The following NBAS variants were observed in gnomAD, a reference collection of about 807,000 sequenced individuals.
NBAS encodes the protein NAG/BC035112 fusion.
In NBAS, 219 loss-of-function variants were observed where a neutral mutation model predicts 302.5. That is an observed-to-expected ratio of 0.72 (90% CI 0.65 to 0.81). The LOEUF (loss-of-function observed/expected upper bound fraction) is 0.81. Ranked by LOEUF, NBAS falls within the 30% of genes least tolerant of loss-of-function variation. The pLI is 0.00. For synonymous variants in NBAS, 1,118 were observed against 1,021.6 expected (o/e 1.09, Z -1.80); for missense variants, 2,932 against 2,841.6 (o/e 1.03, Z -0.72).
the NBAS span, among the ~76,000 whole-genome samples, chr2:14,796,157 A>G: frequency 6.6e-6 from 1 of 152,296 alleles, no homozygotes; most frequent in Admixed American, 6.5e-5. Flanking sequence ...GGAACTGACC[A>G]TATATGTGGT....
intron 44 of NBAS, among the ~76,000 whole-genome samples, chr2:15,272,968 T>C (rs1011446561): frequency 4.6e-5 from 7 of 152,302 alleles, no homozygotes; most frequent in African/African-American, 1.4e-4. Flanking sequence ...AAAACGCAAA[T>C]GGACTTTACA....
the NBAS span, among the ~76,000 whole-genome samples, chr2:14,903,628 C>A: frequency 6.6e-6 from 1 of 152,238 alleles, no homozygotes; most frequent in Non-Finnish European, 1.5e-5. Context: ...TCCCCAGAAC[C>A]AGCTTCTCAC....
At chr2:15,189,784 A>C (rs1291155561) in intron 49 of NBAS, among the ~76,000 whole-genome samples, 1 of 152,182 alleles carries the variant, frequency 6.6e-6, no homozygotes, top group Non-Finnish European at 1.5e-5. Context: ...GAAGTTGTTT[A>C]ACTCCTGAGC....
the NBAS span, among the ~76,000 whole-genome samples, chr2:14,912,060 C>T: frequency 2.4e-4 from 37 of 152,300 alleles, no homozygotes; most frequent in Admixed American, 2.4e-3. Flanking sequence ...TGCTTCTAGT[C>T]TTCAAACCTT....
At chr2:14,815,014 G>C in the NBAS span, among the ~76,000 whole-genome samples, 3 of 152,114 alleles carry the variant, frequency 2.0e-5, no homozygotes, top group Non-Finnish European at 2.9e-5. Flanking sequence ...CTGCCACCAT[G>C]TGAAGACATG....
At chr2:14,852,637 A>C in the NBAS span, among the ~76,000 whole-genome samples, 22 of 140,380 alleles carry the variant, frequency 1.6e-4, no homozygotes, top group African/African-American at 6.1e-4. Flanking sequence ...CAAAAGAACA[A>C]AGCTGGAGGC....
the NBAS span, among the ~76,000 whole-genome samples, chr2:14,822,026 C>G: frequency 5.3e-5 from 8 of 151,878 alleles, 1 homozygote; most frequent in South Asian, 2.1e-4. Flanking sequence ...GAGTGAGACT[C>G]TGTCTCAACA....
chr2:15,085,806 G>T, the NBAS span, among the ~76,000 whole-genome samples: 2 of 152,304 alleles, frequency 1.3e-5, no homozygotes, highest in South Asian at 2.1e-4. Context: ...GGGTGCACAC[G>T]CTGGGGGCAG....
downstream of NBAS, among the ~76,000 whole-genome samples, chr2:15,163,797 C>CA (rs1663950791): frequency 2.1e-5 from 3 of 143,358 alleles, no homozygotes; most frequent in Non-Finnish European, 4.6e-5. Flanking sequence ...AGTATTACAA[C>CA]TTTTTTTTTT....
chr2:15,467,869 T>G, intron 17 of NBAS, 65 bp from the exon 18 acceptor site: 1 of 1,326,174 alleles, frequency 7.5e-7, no homozygotes, highest in Non-Finnish European at 1.1e-6. Context: ...TGAAAAGCTT[T>G]CTCCTATTTT....
At chr2:15,393,618 A>AGCGTATGTCTACACAAATGAAG in intron 28 of NBAS, 1 of 466,542 alleles carries the variant, frequency 2.1e-6, no homozygotes, top group Non-Finnish European at 4.4e-6. Context: ...GAGAAATGAA[A>AGCGTATGTCTACACAAATGAAG]GCGTATGTCT....
At chr2:15,073,485 A>T in the NBAS span, among the ~76,000 whole-genome samples, 994 of 142,100 alleles carry the variant, frequency 7.0e-3, 27 homozygotes, top group Admixed American at 0.043. Flanking sequence ...TCAAAAAAAA[A>T]AAAAAATAAA....
intron 48 of NBAS, among the ~76,000 whole-genome samples, chr2:15,190,960 T>A (rs892012934): frequency 6.6e-6 from 1 of 152,212 alleles, no homozygotes; most frequent in South Asian, 2.1e-4. Context: ...CTCTGCCAAA[T>A]ACAAAACACC....
At chr2:15,418,599 G>A (rs1195173600) in intron 23 of NBAS, among the ~76,000 whole-genome samples, 1 of 152,210 alleles carries the variant, frequency 6.6e-6, no homozygotes, top group African/African-American at 2.4e-5. Flanking sequence ...GTATGATGCG[G>A]ATCCCACAGA....
the NBAS span, among the ~76,000 whole-genome samples, chr2:15,158,050 G>A: frequency 6.6e-6 from 1 of 152,168 alleles, no homozygotes; most frequent in East Asian, 1.9e-4. Context: ...GGACTCTCTG[G>A]ACCCGGTGGC....
chr2:15,317,428 A>T (rs1009388901), intron 38 of NBAS, among the ~76,000 whole-genome samples: 2 of 152,240 alleles, frequency 1.3e-5, no homozygotes, highest in Non-Finnish European at 2.9e-5. Flanking sequence ...TAAGCTTCAG[A>T]AGGTCGGTAA....
At chr2:15,212,823 A>G (rs1666476710) in intron 48 of NBAS, among the ~76,000 whole-genome samples, 1 of 151,930 alleles carries the variant, frequency 6.6e-6, no homozygotes, top group Non-Finnish European at 1.5e-5. Context: ...TTCTGCCATG[A>G]TTATAAGTTT....
intron 51 of NBAS, chr2:15,178,286 A>G: frequency 2.8e-6 from 1 of 352,264 alleles, no homozygotes; most frequent in Non-Finnish European, 5.7e-6. Context: ...AAACAGACAT[A>G]CATACACTTC....
chr2:15,543,205 TC>T (rs1262132420), intron 6 of NBAS, among the ~76,000 whole-genome samples: 1 of 152,168 alleles, frequency 6.6e-6, no homozygotes, highest in Non-Finnish European at 1.5e-5. Flanking sequence ...CAGCTGTAGC[TC>T]CTCAAATCTG....
Sources: allele counts gnomAD v4.1 joint callset (sites outside exome capture counted in the v4.1 genomes callset), GRCh38; gene constraint gnomAD v4.1.1; transcripts MANE v1.5; gene names NCBI Gene and HGNC (gene_info 2026-07-23, HGNC 2026-07-21).